The following AATF variants were observed in gnomAD, a reference collection of about 807,000 sequenced individuals.
The protein encoded by AATF is protein AATF.
AATF carries 48 observed loss-of-function variants against 63.7 expected under a neutral mutation model. The ratio of observed to expected loss-of-function variants is 0.75; its 90% CI spans 0.60 to 0.96. AATF has a LOEUF of 0.96. Ranked by LOEUF, AATF falls within the 40% of genes least tolerant of loss-of-function variation. The pLI, the probability that AATF is intolerant of heterozygous loss-of-function variation, is 0.00. For missense variants in AATF, 639 were observed against 685.7 expected (o/e 0.93, Z 0.76); for synonymous variants, 258 against 247.7 (o/e 1.04, Z -0.39).
intron 4 of AATF, among the ~76,000 whole-genome samples, chr17:36,963,591 T>G (rs1026857479): frequency 6.6e-6 from 1 of 152,228 alleles, no homozygotes; most frequent in Non-Finnish European, 1.5e-5. Context: ...CTTAAATTGT[T>G]TTTTTAAAAT....
At chr17:37,049,673 G>A (rs2071729499) in intron 11 of AATF, among the ~76,000 whole-genome samples, 1 of 152,182 alleles carries the variant, frequency 6.6e-6, no homozygotes, top group African/African-American at 2.4e-5. Flanking sequence ...GAAAATGGAG[G>A]AGTGAGTAGC....
intron 10 of AATF, among the ~76,000 whole-genome samples, chr17:37,024,011 A>G (rs577458339): frequency 4.6e-5 from 7 of 152,312 alleles, no homozygotes; most frequent in South Asian, 2.1e-4. Flanking sequence ...TTATTACACT[A>G]CACTGTTTAG....
At chr17:36,968,521 C>A (rs1052009174) in intron 4 of AATF, among the ~76,000 whole-genome samples, 2 of 151,918 alleles carry the variant, frequency 1.3e-5, no homozygotes, top group Non-Finnish European at 2.9e-5. Flanking sequence ...GGTGATCTAC[C>A]TGCCTTGACT....
At chr17:36,988,388 C>G (rs2071185461) in intron 5 of AATF, 131 bp from the exon 6 acceptor site, 1 of 808,116 alleles carries the variant, frequency 1.2e-6, no homozygotes, top group South Asian at 1.8e-5. Context: ...ATCCTTATAT[C>G]TTTGGTGTTA....
At chr17:36,971,299 A>G (rs2071037387) in intron 4 of AATF, among the ~76,000 whole-genome samples, 2 of 152,226 alleles carry the variant, frequency 1.3e-5, no homozygotes, top group African/African-American at 2.4e-5. Context: ...ATGATAGCAA[A>G]TAAGCACATG....
intron 11 of AATF, among the ~76,000 whole-genome samples, chr17:37,035,211 G>A (rs2071581962): frequency 1.3e-5 from 2 of 151,682 alleles, no homozygotes; most frequent in Non-Finnish European, 2.9e-5. Flanking sequence ...TTAATATAAT[G>A]AGATTTCTTT....
chr17:36,963,512 T>G (rs916324104), intron 4 of AATF, among the ~76,000 whole-genome samples: 5 of 152,258 alleles, frequency 3.3e-5, no homozygotes, highest in African/African-American at 1.2e-4. Flanking sequence ...TTTTTTGCTT[T>G]ATGCTTAGAC....
intron 11 of AATF, among the ~76,000 whole-genome samples, chr17:37,047,406 G>A (rs2071702674): frequency 6.6e-6 from 1 of 152,086 alleles, no homozygotes; most frequent in Non-Finnish European, 1.5e-5. Context: ...TTGTTAAAGT[G>A]CAGGGGATTT....
chr17:37,004,331 A>G (rs1314067213), intron 8 of AATF, among the ~76,000 whole-genome samples: 1 of 152,152 alleles, frequency 6.6e-6, no homozygotes, highest in East Asian at 1.9e-4. Flanking sequence ...AACTCTGAAA[A>G]AAAAGAGAGA....
intron 8 of AATF, among the ~76,000 whole-genome samples, chr17:37,001,405 G>GAGGGAGGAAGGGAGGA (rs1441424791): frequency 1.6e-5 from 1 of 63,832 alleles, no homozygotes; most frequent in Non-Finnish European, 2.9e-5. Context: ...AGGAGGGAGG[G>GAGGGAGGAAGGGAGGA]AGGAAGGAAG....
At chr17:36,987,062 A>G (rs1406546361) in intron 5 of AATF, among the ~76,000 whole-genome samples, 1 of 152,126 alleles carries the variant, frequency 6.6e-6, no homozygotes, top group Non-Finnish European at 1.5e-5. Flanking sequence ...ATCGCAGCTC[A>G]CTGCAGCCTC....
At chr17:36,981,937 C>G (rs2071128944) in intron 4 of AATF, among the ~76,000 whole-genome samples, 1 of 151,988 alleles carries the variant, frequency 6.6e-6, no homozygotes, top group Admixed American at 6.6e-5. Flanking sequence ...CATTGTTGTA[C>G]AACCAATCTC....
intron 4 of AATF, among the ~76,000 whole-genome samples, chr17:36,964,881 G>A (rs542461255): frequency 5.1e-4 from 77 of 151,734 alleles, no homozygotes; most frequent in Non-Finnish European, 9.0e-4. Context: ...GTGCACAGCT[G>A]TGCTCTTGGG....
chr17:36,990,761 A>G lies in AATF; in HGVS notation c.1315-13A>G, dbSNP rs372724621. 2.6e-6 allele frequency: 4 copies of G among 1,558,430 alleles called. No homozygotes were observed. Among genetic ancestry groups the G allele is most frequent in the African/African-American group, 1.4e-5 (1 of 72,370 alleles). ...GTTGGGATTCACTCTTTTCTTACTCATTGTTAACATAGGAGATCCTTCCTC... is the reference window on the plus strand; with the variant it reads ...GTTGGGATTCACTCTTTTCTTACTCGTTGTTAACATAGGAGATCCTTCCTC... On this transcript the variant is annotated splice_polypyrimidine_tract_variant and intron_variant, in intron 7 of 11. Transcript: ENST00000619387.
At chr17:36,966,577 C>G (rs2070993089) in intron 4 of AATF, among the ~76,000 whole-genome samples, 1 of 151,884 alleles carries the variant, frequency 6.6e-6, no homozygotes, top group Non-Finnish European at 1.5e-5. Flanking sequence ...CTGAAGTTTT[C>G]ATTTTAAATC....
At chr17:37,041,944 TATA>T (rs1307819349) in intron 11 of AATF, among the ~76,000 whole-genome samples, 1 of 152,240 alleles carries the variant, frequency 6.6e-6, no homozygotes, top group African/African-American at 2.4e-5. Flanking sequence ...TATTTTCTCT[TATA>T]ATAGTAAATT....
intron 10 of AATF, among the ~76,000 whole-genome samples, chr17:37,027,851 A>T (rs1284290158): frequency 6.6e-6 from 1 of 152,206 alleles, no homozygotes; most frequent in Non-Finnish European, 1.5e-5. Flanking sequence ...TGTAGGGTAC[A>T]GTTCATAGTC....
chr17:37,019,806 A>T (rs2071455764), intron 9 of AATF, among the ~76,000 whole-genome samples: 1 of 152,234 alleles, frequency 6.6e-6, no homozygotes, highest in Non-Finnish European at 1.5e-5. Flanking sequence ...GTAAAATATT[A>T]TGTGAATTTT....
chr17:36,974,642 G>A (rs1450283556), intron 4 of AATF, among the ~76,000 whole-genome samples: 3 of 152,046 alleles, frequency 2.0e-5, no homozygotes, highest in African/African-American at 7.2e-5. Context: ...TGTCAACATC[G>A]GATACAATAA....
Sources: gnomAD v4.1 joint callset for allele counts (sites outside exome capture counted in the v4.1 genomes callset) on GRCh38, gnomAD v4.1.1 for gene constraint, MANE v1.5 for transcripts, NCBI Gene and HGNC (gene_info 2026-07-23, HGNC 2026-07-21) for gene names.